The following TMEM132C variants were observed in gnomAD, a reference collection of about 807,000 sequenced individuals.
TMEM132C encodes the protein protein phosphatase 1, regulatory subunit 152.
A neutral mutation model predicts 61.4 loss-of-function variants in TMEM132C; 29 were observed. That is an observed-to-expected ratio of 0.47 (90% CI 0.35 to 0.64). The LOEUF is 0.64. Among genes scored for constraint, TMEM132C ranks in the 30% least tolerant of loss-of-function variants. The probability of loss-of-function intolerance (pLI) is 0.00; values close to 1 mark genes in which losing one functional copy is unlikely to be tolerated. For synonymous variants in TMEM132C, 656 were observed against 633.1 expected (o/e 1.04, Z -0.54); for missense variants, 1,408 against 1,476.9 (o/e 0.95, Z 0.76).
intron 1 of TMEM132C, among the ~76,000 whole-genome samples, chr12:128,267,752 G>C (rs1870360227): frequency 6.6e-6 from 1 of 152,210 alleles, no homozygotes; most frequent in African/African-American, 2.4e-5. Context: ...CTGCCCCGCG[G>C]ATGAGGAGGG....
chr12:128,394,252 C>T (rs1352311582), intron 1 of TMEM132C, among the ~76,000 whole-genome samples: 3 of 152,096 alleles, frequency 2.0e-5, no homozygotes, highest in Non-Finnish European at 4.4e-5. Flanking sequence ...CCCGCCAGGT[C>T]CCCCCAACAA....
intron 1 of TMEM132C, among the ~76,000 whole-genome samples, chr12:128,363,570 A>T (rs1396417022): frequency 6.6e-6 from 1 of 152,104 alleles, no homozygotes; most frequent in East Asian, 1.9e-4. Flanking sequence ...GTTCCTGGCC[A>T]GGTGCGGTGG....
At chr12:128,638,604 C>A (rs1353087067) in intron 4 of TMEM132C, among the ~76,000 whole-genome samples, 2 of 152,148 alleles carry the variant, frequency 1.3e-5, no homozygotes, top group Non-Finnish European at 2.9e-5. Context: ...AGCTAATATA[C>A]CCTGGTCACA....
chr12:128,609,795 T>C (rs1181440509), intron 3 of TMEM132C, among the ~76,000 whole-genome samples: 2 of 152,154 alleles, frequency 1.3e-5, no homozygotes, highest in Non-Finnish European at 2.9e-5. Flanking sequence ...AGCTCCTTAG[T>C]CAGACCTTTG....
At chr12:128,316,979 A>G (rs1407827702) in intron 1 of TMEM132C, among the ~76,000 whole-genome samples, 2 of 152,190 alleles carry the variant, frequency 1.3e-5, no homozygotes, top group South Asian at 2.1e-4. Flanking sequence ...AATTTTTTGA[A>G]TAGCTATCAC....
chr12:128,406,175 A>G (rs986450051), intron 1 of TMEM132C, among the ~76,000 whole-genome samples: 25 of 152,182 alleles, frequency 1.6e-4, no homozygotes, highest in African/African-American at 5.8e-4. Flanking sequence ...TCTTCCTACC[A>G]CACGTGAGAA....
chr12:128,275,779 A>G (rs1870669424), intron 1 of TMEM132C, among the ~76,000 whole-genome samples: 1 of 152,194 alleles, frequency 6.6e-6, no homozygotes, highest in African/African-American at 2.4e-5. Context: ...TGAATTTCCA[A>G]GGGCAGTTGT....
At chr12:128,411,214 T>G (rs1868525901) in intron 1 of TMEM132C, among the ~76,000 whole-genome samples, 1 of 152,164 alleles carries the variant, frequency 6.6e-6, no homozygotes, top group Non-Finnish European at 1.5e-5. Context: ...CCTTTGTAAT[T>G]CAGTGAACAA....
chr12:128,348,283 A>G (rs1375676919), intron 1 of TMEM132C, among the ~76,000 whole-genome samples: 1 of 152,238 alleles, frequency 6.6e-6, no homozygotes, highest in African/African-American at 2.4e-5. Flanking sequence ...CATATTGTGT[A>G]TCCTGTAACT....
chr12:128,635,566 C>T (rs1035021912), intron 4 of TMEM132C, among the ~76,000 whole-genome samples: 16 of 149,618 alleles, frequency 1.1e-4, no homozygotes, highest in Non-Finnish European at 1.9e-4. Context: ...TTTGTGCCTT[C>T]CAAGCACACA....
intron 2 of TMEM132C, among the ~76,000 whole-genome samples, chr12:128,537,862 G>A (rs7305922): frequency 0.56 from 84,553 of 152,080 alleles, 24,501 homozygotes; most frequent in Middle Eastern, 0.64. Context: ...TTTGACAATG[G>A]ACCACAATTA....
intron 2 of TMEM132C, among the ~76,000 whole-genome samples, chr12:128,493,732 G>A (rs1871835804): frequency 6.6e-6 from 1 of 152,194 alleles, no homozygotes; most frequent in Admixed American, 6.5e-5. Context: ...TTGCTTATCA[G>A]CTTAAGGAGA....
chr12:128,421,366 A>G (rs1347202121), intron 2 of TMEM132C, among the ~76,000 whole-genome samples: 3 of 152,236 alleles, frequency 2.0e-5, no homozygotes, highest in Admixed American at 2.0e-4. Context: ...AGGTCACAGA[A>G]TGTTGGATCA....
chr12:128,622,355 AAAAAAAT>A (rs1425306045), intron 4 of TMEM132C, among the ~76,000 whole-genome samples: 10 of 62,790 alleles, frequency 1.6e-4, no homozygotes, highest in African/African-American at 2.8e-4. Flanking sequence ...AAAAAAAAAA[AAAAAAAT>A]ATATATATAT....
intron 3 of TMEM132C, among the ~76,000 whole-genome samples, chr12:128,566,591 G>C (rs56348768): frequency 1.3e-5 from 2 of 152,140 alleles, no homozygotes; most frequent in Non-Finnish European, 2.9e-5. Context: ...GACATAAAAC[G>C]CCCATGAAAT....
intron 2 of TMEM132C, among the ~76,000 whole-genome samples, chr12:128,497,264 G>T (rs1871997732): frequency 6.6e-6 from 1 of 152,240 alleles, no homozygotes; most frequent in Admixed American, 6.5e-5. Flanking sequence ...CTCCCAGTTA[G>T]GCTACTCGGG....
Position 128,332,448 on chromosome 12 carries a change from C to CTCTT in TMEM132C, c.85+64965_85+64968dup, listed in dbSNP as rs564300223. ...AACAGCTCTTCCTTGAAGATGTATT[C>CTCTT]TCTTTCTCTCTCTTTCTCTCTCTGC... On this transcript the variant is annotated intron_variant, in intron 1 of 8. Transcript: ENST00000435159. Among the ~76,000 whole-genome samples the CTCTT allele has an allele frequency of 5.3e-5, 8 of 151,602 alleles. No homozygotes were observed. In the East Asian group the frequency reaches 1.5e-3, roughly 29 times the overall value.
chr12:128,383,337 A>G (rs936691955), intron 1 of TMEM132C, among the ~76,000 whole-genome samples: 5 of 152,204 alleles, frequency 3.3e-5, no homozygotes, highest in African/African-American at 1.2e-4. Context: ...CGCAATGGCC[A>G]ACCGCCCGTT....
At position 128,622,353 on chromosome 12, in the gene TMEM132C, AAAAAAAAATATATATATATATATAT is replaced by A. The variant is rs1219723695; in HGVS notation, c.1305+6020_1305+6044del. On this transcript the variant is annotated intron_variant, in intron 4 of 8. Coordinates refer to ENST00000435159, the MANE Select transcript of TMEM132C (RefSeq NM_001136103.3). ...AGTGAGACTTTGTCTCAAAAAAAAA[AAAAAAAAATATATATATATATATAT>A]ATATATATATATATATATATATAAC... 4.6e-5 allele frequency among the ~76,000 whole-genome samples: 3 copies of A among 65,396 alleles called. 1 individual carries two copies. Among genetic ancestry groups the A allele is most frequent in the African/African-American group, 2.3e-4 (3 of 12,810 alleles). 42.9% of individuals were successfully genotyped at this position (65,396 alleles called of 152,430 possible).
Sources: gnomAD v4.1 joint callset for allele counts (sites outside exome capture counted in the v4.1 genomes callset) on GRCh38, gnomAD v4.1.1 for gene constraint, MANE v1.5 for transcripts, NCBI Gene and HGNC (gene_info 2026-07-23, HGNC 2026-07-21) for gene names.